CLEC2B: variants seen among roughly 807,000 people sequenced by gnomAD.
The protein encoded by CLEC2B is C-type (calcium dependent, carbohydrate-recognition domain) lectin, superfamily member 2 (activation-induced).
In CLEC2B, 14 loss-of-function variants were observed where a neutral mutation model predicts 16.2. That is an observed-to-expected ratio of 0.86 (90% CI 0.57 to 1.35). The LOEUF (loss-of-function observed/expected upper bound fraction) is 1.35, where lower values mean the gene tolerates loss of function less well. Ranked by LOEUF, CLEC2B falls within the 40% of genes most tolerant of loss-of-function variation. The pLI, the probability that CLEC2B is intolerant of heterozygous loss-of-function variation, is 0.00. For missense variants in CLEC2B, 166 were observed against 182.3 expected (o/e 0.91, Z 0.52); for synonymous variants, 42 against 55.8 (o/e 0.75, Z 1.10).
At chr12:9,863,364 A>G (rs1289929108) in intron 1 of CLEC2B, among the ~76,000 whole-genome samples, 1 of 152,198 alleles carries the variant, frequency 6.6e-6, no homozygotes, top group Non-Finnish European at 1.5e-5. Context: ...AAAACAAGCC[A>G]TATAAAATCC....
chr12:9,859,375 G>A (rs558170719), intron 2 of CLEC2B, among the ~76,000 whole-genome samples: 32 of 151,876 alleles, frequency 2.1e-4, no homozygotes, highest in Non-Finnish European at 4.4e-4. Flanking sequence ...TCTAAAACAG[G>A]ATTGACCACT....
intron 2 of CLEC2B, among the ~76,000 whole-genome samples, chr12:9,858,666 A>G (rs1867912379): frequency 6.6e-6 from 1 of 151,916 alleles, no homozygotes; most frequent in African/African-American, 2.4e-5. Flanking sequence ...AGAAGATAAA[A>G]TTTTATATAC....
rs78485232 is a variant in CLEC2B, at chr12:9,855,378, A to G, written c.238-894T>C. 9.8e-3 allele frequency among the ~76,000 whole-genome samples: 1,487 copies of G among 152,202 alleles called. 23 individuals are homozygous for G. The highest frequency in any genetic ancestry group is 0.034 in the African/African-American group (1,413 of 41,536). Reference sequence around the variant, plus strand: ...GGCTAAGTTTTGGCTTTACAAATAAACAGATTAATAAAAACATTGTCCTAC... The same window carrying G: ...GGCTAAGTTTTGGCTTTACAAATAAGCAGATTAATAAAAACATTGTCCTAC... On this transcript the variant is annotated intron_variant, in intron 3 of 4. Transcript: ENST00000228438.
intron 1 of CLEC2B, among the ~76,000 whole-genome samples, chr12:9,868,869 T>A (rs1867992463): frequency 6.6e-6 from 1 of 152,116 alleles, no homozygotes; most frequent in South Asian, 2.1e-4. Flanking sequence ...ATTTATCATA[T>A]TATGTATGCA....
At position 9,862,499 on chromosome 12, in the gene CLEC2B, C is replaced by A; in HGVS notation, c.73G>T (p.Val25Phe). The change falls in exon 2 of 5, where the codon GTT (valine) becomes TTT (phenylalanine). Residue 25 changes from valine to phenylalanine, a missense_variant and splice_region_variant. Transcript: ENST00000228438. ...LITTNIITLI[V>F]KLTRDSQSLC... ...AAATAAAATGAAGGATGTAACTTACCTATCAGAGTAATAATATTAGTTGTT... is the reference window on the plus strand; with the variant it reads ...AAATAAAATGAAGGATGTAACTTACATATCAGAGTAATAATATTAGTTGTT... 1.4e-6 allele frequency: 2 copies of A among 1,449,964 alleles called. No individual in the cohort carries two copies. The highest frequency in any genetic ancestry group is 1.9e-6 in the Non-Finnish European group (2 of 1,077,244). The allele number at this position is 1,449,964 out of a possible 1,614,324, so 89.8% of individuals were successfully genotyped here.
At position 9,864,689 on chromosome 12, in the gene CLEC2B, T is replaced by C. The variant is rs1021077698; in HGVS notation, c.-2-2116A>G. Among the ~76,000 whole-genome samples the C allele has an allele frequency of 9.2e-5, 14 of 152,126 alleles. No individual in the cohort carries two copies. The East Asian group carries it at 2.3e-3, about 25-fold the overall frequency. On this transcript the variant is annotated intron_variant, in intron 1 of 4. Coordinates refer to ENST00000228438, the MANE Select transcript of CLEC2B (RefSeq NM_005127.3). ...CATAGTAATCACAATGCAAAACCTA[T>C]AGTAGAGTCATTAAAAATAAAAAGC...
intron 2 of CLEC2B, 57 bp downstream of exon 2, chr12:9,862,438 CAGAA>C: frequency 7.5e-7 from 1 of 1,330,458 alleles, no homozygotes; most frequent in Non-Finnish European, 9.9e-7. Context: ...ATGACTGAGA[CAGAA>C]AGGAATAGGA....
Position 9,857,534 on chromosome 12 carries a change from A to C in CLEC2B, c.177T>G (p.Ser59Arg). 6.2e-7 allele frequency: 1 copy of C among 1,611,546 alleles called. No individual in the cohort carries two copies. The highest frequency in any genetic ancestry group is 2.2e-5 in the East Asian group (1 of 44,740). The change falls in exon 3 of 5, where the codon AGT becomes AGG. Residue 59 changes from serine to arginine, a missense_variant. By Grantham distance (110) the Ser-to-Arg change is moderately radical (BLOSUM62 -1). Coordinates refer to ENST00000228438, the MANE Select transcript of CLEC2B (RefSeq NM_005127.3). ...CATGTTGAGTGGAACAGTTGTATTT[A>C]CTTGAATTCCAATCTCCTTCTTCTT... ...FSKEEGDWNS[S>R]KYNCSTQHAD...
intron 2 of CLEC2B, among the ~76,000 whole-genome samples, chr12:9,858,164 C>T (rs931278253): frequency 6.6e-6 from 1 of 152,018 alleles, no homozygotes; most frequent in Non-Finnish European, 1.5e-5. Context: ...GGAAGTAAAG[C>T]AGAAGATATA....
intron 3 of CLEC2B, 137 bp downstream of exon 3, chr12:9,857,337 A>G (rs995646276): frequency 9.2e-6 from 6 of 654,084 alleles, no homozygotes; most frequent in Non-Finnish European, 1.6e-5. Flanking sequence ...TTTATGTCAC[A>G]TGGCATACTC....
intron 1 of CLEC2B, among the ~76,000 whole-genome samples, chr12:9,867,893 G>A (rs1025176682): frequency 6.6e-5 from 10 of 151,934 alleles, no homozygotes; most frequent in African/African-American, 2.2e-4. Context: ...GATGCAGAGT[G>A]ACCAATGCAT....
At chr12:9,862,452 A>T in intron 2 of CLEC2B, 47 bp downstream of exon 2, 2 of 1,387,418 alleles carry the variant, frequency 1.4e-6, no homozygotes, top group East Asian at 2.9e-5. Flanking sequence ...AAGGAATAGG[A>T]TCACACATAG....
At chr12:9,853,481 T>G in intron 4 of CLEC2B, 73 bp from the exon 5 acceptor site, 1 of 1,184,138 alleles carries the variant, frequency 8.4e-7, no homozygotes. Flanking sequence ...TAAACAAAAA[T>G]TCTACTTGTC....
intron 1 of CLEC2B, 31 bp from the exon 2 acceptor site, chr12:9,862,604 A>C (rs1305436293): frequency 2.2e-6 from 3 of 1,390,430 alleles, no homozygotes; most frequent in Non-Finnish European, 9.4e-7. Context: ...CATTTAGGAG[A>C]CTTCTGGCTC....
chr12:9,863,308 AG>A, intron 1 of CLEC2B, among the ~76,000 whole-genome samples: 1 of 152,154 alleles, frequency 6.6e-6, no homozygotes, highest in East Asian at 1.9e-4. Context: ...AAAAATCGAC[AG>A]GTAAATTACA....
At chr12:9,854,703 A>T (rs1269917829) in intron 3 of CLEC2B, 5 of 503,666 alleles carry the variant, frequency 9.9e-6, no homozygotes, top group Non-Finnish European at 1.7e-5. Flanking sequence ...TTCTTTAGAT[A>T]TGATTCCAAA....
At chr12:9,857,749 G>A in intron 2 of CLEC2B, 112 bp from the exon 3 acceptor site, 2 of 815,274 alleles carry the variant, frequency 2.5e-6, no homozygotes, top group Non-Finnish European at 1.9e-6. Context: ...CACTATGAAA[G>A]TTGTATATCT....
At chr12:9,867,927 T>C (rs1867984101) in intron 1 of CLEC2B, among the ~76,000 whole-genome samples, 2 of 152,032 alleles carry the variant, frequency 1.3e-5, no homozygotes, top group Non-Finnish European at 2.9e-5. Context: ...GAATATTATT[T>C]TTCTTGGCTA....
chr12:9,856,315 C>T (rs768485309), intron 3 of CLEC2B, among the ~76,000 whole-genome samples: 3 of 151,984 alleles, frequency 2.0e-5, no homozygotes, highest in Non-Finnish European at 4.4e-5. Flanking sequence ...CTGTAAGGAA[C>T]AGTCAGAGTG....
Sources: gnomAD v4.1 joint callset for allele counts (sites outside exome capture counted in the v4.1 genomes callset) on GRCh38, gnomAD v4.1.1 for gene constraint, MANE v1.5 for transcripts, NCBI Gene and HGNC (gene_info 2026-07-23, HGNC 2026-07-21) for gene names.